Variants in SHC2 observed in about 807,000 individuals in gnomAD.
SHC2 encodes SHC adaptor protein 2, also known as SHC-transforming protein 2.
Under a neutral mutation model 60.6 loss-of-function variants are expected in SHC2, and 62 were observed. That is an observed-to-expected ratio of 1.02 (90% CI 0.83 to 1.26). SHC2 has a LOEUF of 1.26. Among genes scored for constraint, SHC2 ranks in the 50% most tolerant of loss-of-function variants. SHC2 has a pLI of 0.00. For missense variants in SHC2, 873 were observed against 822.2 expected (o/e 1.06, Z -0.76); for synonymous variants, 375 against 372.4 (o/e 1.01, Z -0.08).
rs1974855420 is a variant in SHC2 at position 441,120 on chromosome 19, C to T, written c.469-188G>A. 1.0e-6 allele frequency: 1 copy of T among 984,932 alleles called. No individual in the cohort carries two copies. Among genetic ancestry groups the T allele is most frequent in the Non-Finnish European group, 1.2e-6 (1 of 829,774 alleles). 61.0% of individuals were successfully genotyped at this position (984,932 alleles called of 1,614,324 possible). On this transcript the variant is annotated intron_variant, in intron 1 of 12. Transcript: ENST00000264554. This position sits in a 1 kb window ranked among gnomAD's most constrained non-coding sequence, Gnocchi z 4.9. ...AGCCTTGACACTGTCCTGCGAGCCG[C>T]CCCCTCTGACTCCAGGCATGTTTTT...
intron 1 of SHC2, among the ~76,000 whole-genome samples, chr19:448,559 C>A (rs1600316369): frequency 6.6e-6 from 1 of 152,172 alleles, no homozygotes; most frequent in East Asian, 1.9e-4. Flanking sequence ...TGCAAAGGAC[C>A]TTTTCCAAAT....
Position 430,874 on chromosome 19 carries a change from C to A in SHC2, c.1111-127G>T, listed in dbSNP as rs1974570055. ...TTAGGGGTGGGGAGCACAGCCCTGG[C>A]CCTCCCATTGCTCTCTCACTCTGTA... On this transcript the variant is annotated intron_variant, in intron 8 of 12. Transcript: ENST00000264554. 7 of 809,368 alleles carry A rather than the reference C, an allele frequency of 8.6e-6. No homozygotes were observed. In the East Asian group the frequency reaches 1.9e-4, roughly 22 times the overall value. 50.1% of individuals were successfully genotyped at this position (809,368 alleles called of 1,614,324 possible). A position where few individuals can be genotyped will look rare whatever the true frequency, so the allele number is the denominator to read the frequency against.
chr19:429,735 C>T (rs1346129592), intron 9 of SHC2, among the ~76,000 whole-genome samples: 3 of 146,616 alleles, frequency 2.0e-5, no homozygotes, highest in Admixed American at 6.8e-5. Context: ...GACGCAGTAC[C>T]TATACCCAAC....
intron 9 of SHC2, among the ~76,000 whole-genome samples, chr19:427,596 G>C (rs1286307182): frequency 2.2e-5 from 3 of 134,376 alleles, no homozygotes; most frequent in African/African-American, 8.6e-5. Context: ...AACTGCACAC[G>C]GCGCAGGGAA....
chr19:442,838 G>T (rs1158005178), intron 1 of SHC2, among the ~76,000 whole-genome samples: 3 of 142,122 alleles, frequency 2.1e-5, no homozygotes, highest in Non-Finnish European at 4.6e-5. Context: ...TGGGTGGATG[G>T]GTGGACGGGT....
Position 440,591 on chromosome 19 carries a change from C to T in SHC2, c.539+271G>A, listed in dbSNP as rs181418336. 1.7e-3 allele frequency among the ~76,000 whole-genome samples: 262 copies of T among 152,322 alleles called. 2 individuals carry two copies. Among genetic ancestry groups the T allele is most frequent in the Non-Finnish European group, 3.3e-3 (225 of 68,024 alleles). On this transcript the variant is annotated intron_variant, in intron 2 of 12. Coordinates refer to ENST00000264554, the MANE Select transcript of SHC2 (RefSeq NM_012435.3). The surrounding 1 kb of genome is among the most constrained non-coding windows in gnomAD (Gnocchi z 7.0). ...GGAACCCGCCAGGCCCTGCACCCCA[C>T]GCCGTGCGGGGACTTGCCCAGCACC... is the stretch of plus-strand genomic sequence containing the variant.
intron 7 of SHC2, chr19:435,860 G>A (rs994994580): frequency 5.9e-6 from 2 of 340,468 alleles, no homozygotes; most frequent in African/African-American, 4.1e-5. Flanking sequence ...TCTGCCCATT[G>A]CGGGAGCCGG....
At chr19:423,857 G>A (rs966985188) in intron 10 of SHC2, among the ~76,000 whole-genome samples, 1 of 152,180 alleles carries the variant, frequency 6.6e-6, no homozygotes, top group Non-Finnish European at 1.5e-5. Context: ...GGGCTGCCTG[G>A]CAGTCTGGTC....
At chr19:435,572 A>C (rs1974695584) in intron 7 of SHC2, among the ~76,000 whole-genome samples, 1 of 152,234 alleles carries the variant, frequency 6.6e-6, no homozygotes. Flanking sequence ...TGACTTTCTA[A>C]TGATGAATAG....
intron 1 of SHC2, among the ~76,000 whole-genome samples, chr19:442,316 G>A (rs1340267085): frequency 6.7e-6 from 1 of 149,954 alleles, no homozygotes; most frequent in Non-Finnish European, 1.5e-5. Flanking sequence ...CAGGCAGATG[G>A]ACAATGAATG....
intron 10 of SHC2, among the ~76,000 whole-genome samples, chr19:423,061 C>T (rs1309600050): frequency 1.3e-5 from 2 of 152,190 alleles, no homozygotes; most frequent in Admixed American, 6.5e-5. Context: ...CCAGCCCTGA[C>T]GGAGATGCAT....
chr19:445,202 G>A lies in SHC2; in HGVS notation c.469-4270C>T, dbSNP rs763531486. ...GTGCCCCCCTCAAAATCCCTCTGTGGAAACCTATGCCCCACTGTGAGGGTA... is the reference window on the plus strand; with the variant it reads ...GTGCCCCCCTCAAAATCCCTCTGTGAAAACCTATGCCCCACTGTGAGGGTA... On this transcript the variant is annotated intron_variant, in intron 1 of 12. Coordinates refer to ENST00000264554, the MANE Select transcript of SHC2 (RefSeq NM_012435.3). This position sits in a 1 kb window ranked among gnomAD's most constrained non-coding sequence, Gnocchi z 4.4. 9.2e-5 allele frequency among the ~76,000 whole-genome samples: 14 copies of A among 152,188 alleles called. No individual in the cohort carries two copies. Among genetic ancestry groups the A allele is most frequent in the Non-Finnish European group, 1.8e-4 (12 of 68,034 alleles).
chr19:417,481 G>C (rs1169377428), intron 12 of SHC2, among the ~76,000 whole-genome samples, 159 bp from the exon 13 acceptor site: 8 of 152,214 alleles, frequency 5.3e-5, no homozygotes, highest in Admixed American at 5.2e-4. Context: ...TGGGGCTCCG[G>C]TGCAGGTGTC....
intron 1 of SHC2, among the ~76,000 whole-genome samples, chr19:456,032 C>T (rs1600328893): frequency 3.3e-5 from 5 of 152,284 alleles, no homozygotes; most frequent in Admixed American, 6.5e-5. Context: ...ATGTTCTCTC[C>T]GGCTCCCGCA....
intron 8 of SHC2, among the ~76,000 whole-genome samples, chr19:431,544 C>CAGAT (rs1974596015): frequency 2.7e-5 from 1 of 36,376 alleles, no homozygotes; most frequent in Non-Finnish European, 4.3e-5. Context: ...GGAGGCCGGG[C>CAGAT]AGATGGCGCT....
chr19:458,283 AG>A (rs1241415937), intron 1 of SHC2, among the ~76,000 whole-genome samples: 2 of 112,696 alleles, frequency 1.8e-5, no homozygotes, highest in South Asian at 6.5e-4. Flanking sequence ...GGGAGGCGGA[AG>A]TGGGTCCCGG....
chr19:437,271 C>A (rs1053579057), intron 4 of SHC2, among the ~76,000 whole-genome samples: 1 of 147,414 alleles, frequency 6.8e-6, no homozygotes, highest in African/African-American at 2.7e-5. Flanking sequence ...TGCTCGTCTG[C>A]GTGCTCGTCT....
rs187266874 is a variant in SHC2, at chr19:417,633, C to G, written c.*6-311G>C. 2.4e-3 allele frequency among the ~76,000 whole-genome samples: 370 copies of G among 152,370 alleles called. 2 individuals are homozygous for G. The highest frequency in any genetic ancestry group is 8.5e-3 in the African/African-American group (355 of 41,588). ...TGGGACAGGGCAACGGCCTCCTGAG[C>G]AGGAATCATTACTGCCTTCCAGGTT... On this transcript the variant is annotated intron_variant, in intron 12 of 12. Transcript: ENST00000264554.
At chr19:419,976 G>T (rs145856165) in intron 11 of SHC2, 14 of 152,214 alleles carry the variant, frequency 9.2e-5, no homozygotes, top group Admixed American at 2.0e-4. Flanking sequence ...CACACTTCAC[G>T]TGCGGAACAG....
Sources: gnomAD v4.1 joint callset for allele counts (sites outside exome capture counted in the v4.1 genomes callset) on GRCh38, gnomAD v4.1.1 for gene constraint, Gnocchi (gnomAD v3.1) non-coding constraint, MANE v1.5 for transcripts, NCBI Gene and HGNC (gene_info 2026-07-23, HGNC 2026-07-21) for gene names.